The following VIPR2 variants were observed in gnomAD, a reference collection of about 807,000 sequenced individuals.
VIPR2 encodes vasoactive intestinal peptide receptor 2.
In VIPR2, 48 loss-of-function variants were observed where a neutral mutation model predicts 58.0. That is an observed-to-expected ratio of 0.83 (90% confidence interval 0.66 to 1.05). The LOEUF (loss-of-function observed/expected upper bound fraction) is 1.05. VIPR2 is among the 50% of genes least tolerant of loss of function. The pLI, the probability that VIPR2 is intolerant of heterozygous loss-of-function variation, is 0.00. For synonymous variants in VIPR2, 243 were observed against 235.2 expected (o/e 1.03, Z -0.30); for missense variants, 534 against 558.0 (o/e 0.96, Z 0.43).
chr7:159,060,406 AACTTC>A (rs1266106178), intron 4 of VIPR2, among the ~76,000 whole-genome samples: 1 of 150,336 alleles, frequency 6.7e-6, no homozygotes, highest in Non-Finnish European at 1.5e-5. Flanking sequence ...TTCACCTATC[AACTTC>A]ACTTCACCTA....
rs138188330 is a variant in VIPR2 at position 159,085,456 on chromosome 7, C to T, written c.357+18301G>A. ...AACTACAGGCACGTGCCACCACGCC[C>T]GGCTAATTTTTGTATTTTTAGTAGA... On this transcript the variant is annotated intron_variant, in intron 4 of 12. Coordinates refer to ENST00000262178, the MANE Select transcript of VIPR2 (RefSeq NM_003382.5). Among the ~76,000 whole-genome samples the T allele has an allele frequency of 4.0e-3, 613 of 152,218 alleles. 7 individuals carry two copies. Among genetic ancestry groups the T allele is most frequent in the African/African-American group, 0.014 (585 of 41,540 alleles).
intron 4 of VIPR2, among the ~76,000 whole-genome samples, chr7:159,061,181 CAG>C (rs1177559790): frequency 2.0e-5 from 3 of 152,098 alleles, no homozygotes; most frequent in African/African-American, 7.2e-5. Flanking sequence ...ACACGGTACT[CAG>C]GGAGGAGAAA....
At chr7:159,086,205 TG>T (rs1246679660) in intron 4 of VIPR2, among the ~76,000 whole-genome samples, 1 of 152,236 alleles carries the variant, frequency 6.6e-6, no homozygotes, top group Middle Eastern at 3.2e-3. Context: ...CTAAGTCTAG[TG>T]GAGAACTCAG....
At chr7:159,107,749 T>C (rs1795814428) in intron 3 of VIPR2, among the ~76,000 whole-genome samples, 1 of 151,788 alleles carries the variant, frequency 6.6e-6, no homozygotes, top group Non-Finnish European at 1.5e-5. Context: ...CTTCTGGAGC[T>C]GCTGCAGGGC....
chr7:159,104,547 T>TGCCCTCCCTCCTCCCAGCCAG (rs1858523245), intron 3 of VIPR2, among the ~76,000 whole-genome samples: 1 of 118,286 alleles, frequency 8.5e-6, no homozygotes, highest in African/African-American at 3.2e-5. Context: ...CTCCCAGCAA[T>TGCCCTCCCTCCTCCCAGCCAG]GCCCTCCCTC....
intron 2 of VIPR2, among the ~76,000 whole-genome samples, chr7:159,139,208 G>A (rs1251454121): frequency 6.6e-6 from 1 of 152,184 alleles, no homozygotes; most frequent in African/African-American, 2.4e-5. Context: ...AGGAGAGTTC[G>A]ATAATTAAGA....
chr7:159,135,094 C>T (rs1355752526), intron 2 of VIPR2, among the ~76,000 whole-genome samples: 2 of 135,182 alleles, frequency 1.5e-5, no homozygotes, highest in South Asian at 5.0e-4. Context: ...ACTTATTAAG[C>T]TTCATGCTGT....
chr7:159,035,813 A>G, intron 8 of VIPR2, 139 bp downstream of exon 8: 1 of 1,437,566 alleles, frequency 7.0e-7, no homozygotes, highest in Non-Finnish European at 9.2e-7. Flanking sequence ...AATCGCCCAG[A>G]TGCTTCCTGC....
At chr7:159,064,722 G>A (rs1413489936) in intron 4 of VIPR2, among the ~76,000 whole-genome samples, 1 of 152,168 alleles carries the variant, frequency 6.6e-6, no homozygotes, top group Non-Finnish European at 1.5e-5. Context: ...GCGCATCCAG[G>A]GCCGTCTGCT....
chr7:159,112,795 G>A lies in VIPR2; in HGVS notation c.152-2876C>T, dbSNP rs573011257. On this transcript the variant is annotated intron_variant, in intron 2 of 12. Transcript: ENST00000262178. The stretch of plus-strand genomic sequence containing the variant: ...ATGGCGCCTGCCTGGGACGGGACCC[G>A]GCTGAGAGCCCCGACTGTGAAGAGG... 5.5e-4 allele frequency among the ~76,000 whole-genome samples: 81 copies of A among 146,734 alleles called. 1 individual carries two copies. The highest frequency in any genetic ancestry group is 1.9e-3 in the African/African-American group (75 of 39,424).
intron 2 of VIPR2, among the ~76,000 whole-genome samples, chr7:159,131,250 C>T (rs73730179): frequency 6.6e-6 from 1 of 152,042 alleles, no homozygotes; most frequent in South Asian, 2.1e-4. Context: ...ACCTTATCTC[C>T]TGTGTAAAGG....
In VIPR2 at chr7:159,035,972, C is replaced by G. The variant is rs765248907; in HGVS notation, c.789G>C (p.Arg263Ser). Residue 263 changes from arginine to serine, a missense_variant, in exon 8 of 13, where the codon AGG (arginine) becomes AGC (serine). By Grantham distance (110) the Arg-to-Ser change is moderately radical. Around this residue, in one of 3 missense-constraint regions of VIPR2, gnomAD observed 306 missense variants for 285.8 expected, o/e 1.07. Transcript: ENST00000262178. ...TVCIGAWTAA[R>S]LYLEDTGCWD... is the part of the protein sequence containing the mutation. Reference sequence around the variant, plus strand: ...CTCACCCGGTGTCTTCTAAGTAGAGCCTGGCCGCAGTCCATGCACCGATGC... The same window carrying G: ...CTCACCCGGTGTCTTCTAAGTAGAGGCTGGCCGCAGTCCATGCACCGATGC... The G allele has an allele frequency of 6.2e-7, 1 of 1,613,532 alleles. No individual in the cohort carries two copies. Among genetic ancestry groups the G allele is most frequent in the Non-Finnish European group, 8.5e-7 (1 of 1,179,850 alleles).
intron 10 of VIPR2, among the ~76,000 whole-genome samples, chr7:159,033,109 G>C (rs1201512123): frequency 6.6e-6 from 1 of 152,170 alleles, no homozygotes; most frequent in Non-Finnish European, 1.5e-5. Context: ...GGCAAATATA[G>C]ACTGCATTGA....
chr7:159,047,393 C>T (rs1854721686), intron 5 of VIPR2, among the ~76,000 whole-genome samples: 1 of 152,074 alleles, frequency 6.6e-6, no homozygotes, highest in Admixed American at 6.5e-5. Flanking sequence ...CAGAAGAATT[C>T]CAAATTTATA....
chr7:159,071,202 C>T (rs1856371107), intron 4 of VIPR2, among the ~76,000 whole-genome samples: 1 of 152,222 alleles, frequency 6.6e-6, no homozygotes, highest in Non-Finnish European at 1.5e-5. Context: ...CACACTTTTC[C>T]ATCTTCACTG....
chr7:159,117,588 A>C (rs1206464326), intron 2 of VIPR2, among the ~76,000 whole-genome samples: 1 of 152,210 alleles, frequency 6.6e-6, no homozygotes, highest in Non-Finnish European at 1.5e-5. Flanking sequence ...CTCTTTGGAC[A>C]ATGGGCAGCT....
At chr7:159,085,782 A>G (rs764265629) in intron 4 of VIPR2, among the ~76,000 whole-genome samples, 1 of 152,032 alleles carries the variant, frequency 6.6e-6, no homozygotes, top group Non-Finnish European at 1.5e-5. Flanking sequence ...GCAGGATTCC[A>G]ACCCAAGACA....
intron 5 of VIPR2, among the ~76,000 whole-genome samples, chr7:159,054,608 T>G (rs768177737): frequency 8.5e-5 from 13 of 152,198 alleles, no homozygotes; most frequent in Non-Finnish European, 1.5e-4. Context: ...TAAAACACCG[T>G]TCTATGTTAT....
intron 4 of VIPR2, among the ~76,000 whole-genome samples, chr7:159,070,189 T>C (rs1856307444): frequency 6.6e-6 from 1 of 152,152 alleles, no homozygotes; most frequent in Admixed American, 6.5e-5. Flanking sequence ...AAAATCTTCT[T>C]TGTGGAAAGC....
Sources: gnomAD v4.1 joint callset for allele counts (sites outside exome capture counted in the v4.1 genomes callset) on GRCh38, gnomAD v4.1.1 for gene constraint, gnomAD v4.1.1 regional missense constraint, MANE v1.5 for transcripts, NCBI Gene and HGNC (gene_info 2026-07-23, HGNC 2026-07-21) for gene names.